OSBPL1A: variants seen among roughly 807,000 people sequenced by gnomAD.
OSBPL1A encodes oxysterol binding protein like 1A, also known as oxysterol-binding protein-related protein 1.
Under a neutral mutation model 137.1 loss-of-function variants are expected in OSBPL1A, and 80 were observed. The observed-to-expected ratio is 0.58, with a 90% CI of 0.49 to 0.70. The LOEUF (loss-of-function observed/expected upper bound fraction) is 0.70, where lower values mean the gene tolerates loss of function less well. Among genes scored for constraint, OSBPL1A ranks in the 30% least tolerant of loss-of-function variants. OSBPL1A has a pLI of 0.00. For synonymous variants in OSBPL1A, 365 were observed against 389.7 expected (o/e 0.94, Z 0.75); for missense variants, 970 against 1,129.4 (o/e 0.86, Z 2.02).
chr18:24,184,238 G>A (rs574441433), intron 18 of OSBPL1A, among the ~76,000 whole-genome samples: 4 of 107,088 alleles, frequency 3.7e-5, no homozygotes, highest in East Asian at 2.7e-4. Context: ...CTACCAAGCT[G>A]AATGCTTTCC....
At chr18:24,324,783 AT>A (rs1232877541) in intron 7 of OSBPL1A, among the ~76,000 whole-genome samples, 52 of 110,190 alleles carry the variant, frequency 4.7e-4, no homozygotes, top group East Asian at 3.6e-3. Flanking sequence ...GACTCTGTCT[AT>A]TAAAAAAAAA....
chr18:24,365,555 A>T (rs867314442), intron 4 of OSBPL1A, among the ~76,000 whole-genome samples: 8 of 151,598 alleles, frequency 5.3e-5, no homozygotes, highest in South Asian at 4.2e-4. Context: ...CTGCACTCCA[A>T]CCTGGGCGAC....
At chr18:24,396,646 A>G (rs2144300013) in intron 1 of OSBPL1A, among the ~76,000 whole-genome samples, 1 of 144,740 alleles carries the variant, frequency 6.9e-6, no homozygotes, top group Admixed American at 6.8e-5. Flanking sequence ...TTTTGTTACT[A>G]TGCTGTAATT....
intron 14 of OSBPL1A, among the ~76,000 whole-genome samples, chr18:24,285,665 T>C (rs142421577): frequency 6.6e-6 from 1 of 152,152 alleles, no homozygotes; most frequent in African/African-American, 2.4e-5. Flanking sequence ...TGGCTTTTTT[T>C]AATAATTAAA....
intron 20 of OSBPL1A, among the ~76,000 whole-genome samples, chr18:24,178,482 G>T (rs1025173084): frequency 0.012 from 1 of 86 alleles, no homozygotes; most frequent in Non-Finnish European, 0.02. Flanking sequence ...AGTAGAGACG[G>T]GGGTTTCATC....
intron 17 of OSBPL1A, among the ~76,000 whole-genome samples, chr18:24,223,801 C>A (rs1295600725): frequency 1.3e-5 from 2 of 152,134 alleles, no homozygotes; most frequent in Non-Finnish European, 2.9e-5. Flanking sequence ...ATTAATAATA[C>A]TGAATATCTG....
intron 1 of OSBPL1A, among the ~76,000 whole-genome samples, chr18:24,388,902 G>T (rs1030004467): frequency 6.6e-6 from 1 of 151,432 alleles, no homozygotes; most frequent in Non-Finnish European, 1.5e-5. Flanking sequence ...TTAATTTGAT[G>T]CATCTTTAAT....
chr18:24,386,723 G>A (rs1315307033), intron 1 of OSBPL1A, among the ~76,000 whole-genome samples: 1 of 152,164 alleles, frequency 6.6e-6, no homozygotes, highest in Non-Finnish European at 1.5e-5. Flanking sequence ...ACTTTGGGAG[G>A]CCAAGCCAGG....
intron 10 of OSBPL1A, 29 bp downstream of exon 10, chr18:24,317,298 T>C (rs1243902407): frequency 3.1e-6 from 5 of 1,608,698 alleles, no homozygotes; most frequent in Non-Finnish European, 4.3e-6. Flanking sequence ...ACAGTGAAAT[T>C]TGATAAGTGT....
chr18:24,387,941 C>T (rs1403957036), intron 1 of OSBPL1A, among the ~76,000 whole-genome samples: 1 of 152,068 alleles, frequency 6.6e-6, no homozygotes, highest in Non-Finnish European at 1.5e-5. Flanking sequence ...ATTCTAATAC[C>T]ACACAAGGGG....
At chr18:24,200,212 C>T (rs1004993323) in intron 17 of OSBPL1A, among the ~76,000 whole-genome samples, 3 of 152,136 alleles carry the variant, frequency 2.0e-5, no homozygotes, top group African/African-American at 2.4e-5. Context: ...TCTTAACAGT[C>T]GTTTTTAATG....
rs529891016 is a variant in OSBPL1A, at chr18:24,298,437, C to A, written c.1174+5200G>T. Among the ~76,000 whole-genome samples, 163 of 152,328 alleles carry A rather than the reference C, an allele frequency of 1.1e-3. 1 individual carries two copies. The highest frequency in any genetic ancestry group is 1.7e-3 in the Non-Finnish European group (118 of 68,028). On this transcript the variant is annotated intron_variant, in intron 14 of 27. Coordinates refer to ENST00000319481, the MANE Select transcript of OSBPL1A (RefSeq NM_080597.4). Reference sequence around the variant, plus strand: ...TCTTGGCTCACTGCAACCTCTACCCCCCGGGTTCAAGCGATTCTCCTGCCT... The same window carrying A: ...TCTTGGCTCACTGCAACCTCTACCCACCGGGTTCAAGCGATTCTCCTGCCT...
chr18:24,362,253 A>C (rs1402126639), intron 4 of OSBPL1A, among the ~76,000 whole-genome samples: 3 of 152,148 alleles, frequency 2.0e-5, no homozygotes, highest in African/African-American at 7.2e-5. Context: ...ATAAAAAAAA[A>C]CAGCAAGTAG....
At chr18:24,206,175 G>C (rs1280679284) in intron 17 of OSBPL1A, among the ~76,000 whole-genome samples, 1 of 152,208 alleles carries the variant, frequency 6.6e-6, no homozygotes, top group Non-Finnish European at 1.5e-5. Context: ...ACAGGTGTGA[G>C]CCACCACACC....
intron 14 of OSBPL1A, among the ~76,000 whole-genome samples, chr18:24,292,946 A>T (rs1246319951): frequency 4.0e-5 from 6 of 151,852 alleles, no homozygotes; most frequent in Non-Finnish European, 7.4e-5. Flanking sequence ...TCTCTACTAA[A>T]AATATAAAAA....
chr18:24,209,458 A>C (rs1269019533), intron 17 of OSBPL1A, among the ~76,000 whole-genome samples: 1 of 152,252 alleles, frequency 6.6e-6, no homozygotes, highest in Non-Finnish European at 1.5e-5. Context: ...AAAATGGTAC[A>C]TATTCAGGAA....
At chr18:24,195,636 G>C (rs1352599434) in intron 18 of OSBPL1A, among the ~76,000 whole-genome samples, 2 of 152,098 alleles carry the variant, frequency 1.3e-5, no homozygotes, top group Non-Finnish European at 2.9e-5. Context: ...GGAATCCAAG[G>C]ATTTCTATGA....
intron 17 of OSBPL1A, among the ~76,000 whole-genome samples, chr18:24,220,937 C>T (rs776442819): frequency 2.6e-5 from 4 of 151,998 alleles, no homozygotes; most frequent in Non-Finnish European, 4.4e-5. Context: ...TGTGCCACCA[C>T]GCTCAGCTAA....
chr18:24,246,500 G>C (rs2088890951), intron 15 of OSBPL1A, among the ~76,000 whole-genome samples: 1 of 151,856 alleles, frequency 6.6e-6, no homozygotes, highest in Non-Finnish European at 1.5e-5. Context: ...TAGAATAAAA[G>C]AAGATCCCAG....
Sources: gnomAD v4.1 joint callset for allele counts (sites outside exome capture counted in the v4.1 genomes callset) on GRCh38, gnomAD v4.1.1 for gene constraint, MANE v1.5 for transcripts, NCBI Gene and HGNC (gene_info 2026-07-23, HGNC 2026-07-21) for gene names.